The following DCDC2C variants were observed in gnomAD, a reference collection of about 807,000 sequenced individuals.
DCDC2C encodes the protein doublecortin domain-containing protein 2C.
In DCDC2C, 44 loss-of-function variants were observed where a neutral mutation model predicts 45.0. That is an observed-to-expected ratio of 0.98 (90% CI 0.77 to 1.26). DCDC2C has a LOEUF of 1.26. Ranked by LOEUF, DCDC2C falls within the 50% of genes most tolerant of loss-of-function variation. The pLI, the probability that DCDC2C is intolerant of heterozygous loss-of-function variation, is 0.00. For synonymous variants in DCDC2C, 187 were observed against 178.8 expected (o/e 1.05, Z -0.37); for missense variants, 447 against 468.9 (o/e 0.95, Z 0.43).
intron 10 of DCDC2C, among the ~76,000 whole-genome samples, chr2:3,807,083 A>ATT (rs35544021): frequency 8.5e-4 from 127 of 149,284 alleles, no homozygotes; most frequent in East Asian, 5.3e-3. Flanking sequence ...TCAGAAAGCT[A>ATT]TTTTTTTTTT....
chr2:3,738,415 TGAG>T (rs1342523233), intron 3 of DCDC2C, among the ~76,000 whole-genome samples: 2 of 151,812 alleles, frequency 1.3e-5, no homozygotes, highest in Admixed American at 6.6e-5. Flanking sequence ...GGCAGAGAGT[TGAG>T]GAGAATTCAA....
chr2:3,809,245 C>T (rs895259558), intron 10 of DCDC2C, among the ~76,000 whole-genome samples: 4 of 152,112 alleles, frequency 2.6e-5, no homozygotes, highest in Non-Finnish European at 5.9e-5. Flanking sequence ...AATAAGTCAG[C>T]GTTAGATGTG....
At chr2:3,794,891 G>A (rs1261105869) in intron 10 of DCDC2C, among the ~76,000 whole-genome samples, 1 of 151,892 alleles carries the variant, frequency 6.6e-6, no homozygotes, top group Non-Finnish European at 1.5e-5. Flanking sequence ...GTAATGGGAT[G>A]GCTGGGTCAA....
intron 10 of DCDC2C, among the ~76,000 whole-genome samples, chr2:3,832,863 T>G (rs932347784): frequency 7.2e-5 from 11 of 152,222 alleles, no homozygotes; most frequent in Admixed American, 1.3e-4. Flanking sequence ...GTGCTTTTAT[T>G]AATTTCCAAT....
intron 10 of DCDC2C, chr2:3,844,651 G>A (rs1190981688): frequency 6.6e-6 from 1 of 152,228 alleles, no homozygotes; most frequent in Non-Finnish European, 1.5e-5. Flanking sequence ...AGGTATGCTG[G>A]TGGAATATTA....
chr2:3,798,722 G>A (rs1397409108), intron 10 of DCDC2C, among the ~76,000 whole-genome samples: 5 of 152,126 alleles, frequency 3.3e-5, no homozygotes, highest in Non-Finnish European at 5.9e-5. Context: ...GGCTTGTAGA[G>A]TTTCTGCCGA....
In DCDC2C at chr2:3,759,644, A is replaced by G. The variant is rs186968785; in HGVS notation, c.726+5010A>G. Among the ~76,000 whole-genome samples, 237 of 152,286 alleles carry G rather than the reference A, an allele frequency of 1.6e-3. 4 individuals carry two copies. The highest frequency in any genetic ancestry group is 1.0e-3 in the Admixed American group (16 of 15,290). ...GAGGAAGCAGGACTTTGGGTTGCAC[A>G]TTTGTGTGAGAAGTTGCTTTGCTCT... On this transcript the variant is annotated intron_variant, in intron 6 of 10. Transcript: ENST00000399143.
At chr2:3,816,525 T>C (rs1303893050) in intron 10 of DCDC2C, among the ~76,000 whole-genome samples, 1 of 152,198 alleles carries the variant, frequency 6.6e-6, no homozygotes, top group African/African-American at 2.4e-5. Context: ...GTTAAAGGAT[T>C]AGAAACGGCT....
intron 8 of DCDC2C, among the ~76,000 whole-genome samples, chr2:3,778,469 T>A (rs1670414161): frequency 6.6e-6 from 1 of 152,160 alleles, no homozygotes; most frequent in Admixed American, 6.5e-5. Context: ...GCAGGCAGGC[T>A]GTGGAGGGCG....
At position 3,847,206 on chromosome 2, in the gene DCDC2C, T is replaced by C; in HGVS notation, c.*23T>C. ...TAACAAAACCACCTTTATTATTACC[T>C]GAAGTCCACTTTTCTTCAACCATGG... On this transcript the variant is annotated 3_prime_UTR_variant, in exon 11 of 11. Coordinates refer to ENST00000399143, the MANE Select transcript of DCDC2C (RefSeq NM_001287444.2). 13 of 1,230,080 alleles carry C rather than the reference T, an allele frequency of 1.1e-5. No individual in the cohort carries two copies. Among genetic ancestry groups the C allele is most frequent in the South Asian group, 4.1e-5 (1 of 24,288 alleles). 76.2% of individuals were successfully genotyped at this position (1,230,080 alleles called of 1,614,324 possible).
rs1332491102 is a variant in DCDC2C, at chr2:3,796,416, G to T, written c.1065+11316G>T. ...ACTTCCAACACTGTGTTGAATAGGA[G>T]TAGTGAGAGAGGGCATCCCTGTCTT... On this transcript the variant is annotated intron_variant, in intron 10 of 10. Transcript: ENST00000399143. Among the ~76,000 whole-genome samples, 4 of 114,740 alleles carry T rather than the reference G, an allele frequency of 3.5e-5. 1 individual carries two copies. The highest frequency in any genetic ancestry group is 3.5e-4 in the Admixed American group (4 of 11,554). 75.3% of individuals were successfully genotyped at this position (114,740 alleles called of 152,430 possible).
At chr2:3,706,854 G>A (rs1172922684) in intron 1 of DCDC2C, among the ~76,000 whole-genome samples, 3 of 152,334 alleles carry the variant, frequency 2.0e-5, no homozygotes, top group Non-Finnish European at 4.4e-5. Flanking sequence ...TCCTGGCTTT[G>A]TCTACCTGAG....
At chr2:3,753,727 G>T (rs988332501) in intron 5 of DCDC2C, among the ~76,000 whole-genome samples, 1 of 152,166 alleles carries the variant, frequency 6.6e-6, no homozygotes, top group South Asian at 2.1e-4. Context: ...CAGCACGAGT[G>T]CTTGAACCTC....
chr2:3,830,066 G>A (rs1252794282), intron 10 of DCDC2C, among the ~76,000 whole-genome samples: 1 of 152,212 alleles, frequency 6.6e-6, no homozygotes, highest in Non-Finnish European at 1.5e-5. Flanking sequence ...AAGGATGTTG[G>A]CCGTGCAGAA....
At chr2:3,825,822 G>A (rs1034174613) in intron 10 of DCDC2C, among the ~76,000 whole-genome samples, 10 of 152,164 alleles carry the variant, frequency 6.6e-5, no homozygotes, top group Non-Finnish European at 1.3e-4. Context: ...GGGTTAGCCC[G>A]GCTCTCGTGT....
chr2:3,753,916 G>A (rs1669613873), intron 5 of DCDC2C, among the ~76,000 whole-genome samples: 3 of 152,130 alleles, frequency 2.0e-5, no homozygotes, highest in Admixed American at 2.0e-4. Context: ...TGGCACACAT[G>A]GATATTTCTT....
intron 2 of DCDC2C, among the ~76,000 whole-genome samples, chr2:3,722,028 C>T (rs373523039): frequency 2.0e-5 from 3 of 152,242 alleles, no homozygotes; most frequent in African/African-American, 4.8e-5. Flanking sequence ...ATCCTCATTA[C>T]AGTCATTTGC....
intron 10 of DCDC2C, among the ~76,000 whole-genome samples, chr2:3,812,770 T>C (rs928094544): frequency 1.3e-5 from 2 of 152,158 alleles, no homozygotes; most frequent in Non-Finnish European, 2.9e-5. Flanking sequence ...GAGAGTCTGG[T>C]ACATTTCCTC....
chr2:3,824,556 G>A (rs1671771677), intron 10 of DCDC2C, among the ~76,000 whole-genome samples: 2 of 152,192 alleles, frequency 1.3e-5, no homozygotes, highest in South Asian at 4.1e-4. Flanking sequence ...GCCTAGAGAG[G>A]AGTTTAGTTG....
Sources: gnomAD v4.1 joint callset for allele counts (sites outside exome capture counted in the v4.1 genomes callset) on GRCh38, gnomAD v4.1.1 for gene constraint, MANE v1.5 for transcripts, NCBI Gene and HGNC (gene_info 2026-07-23, HGNC 2026-07-21) for gene names.